COL4A1: variants seen among roughly 807,000 people sequenced by gnomAD.
The protein encoded by COL4A1 is collagen alpha-1(IV) chain.
Under a neutral mutation model 216.6 loss-of-function variants are expected in COL4A1, and 40 were observed. The observed-to-expected ratio is 0.18, with a 90% CI of 0.14 to 0.24. The LOEUF is 0.24. Ranked by LOEUF, COL4A1 falls within the 10% of genes least tolerant of loss-of-function variation. The probability of loss-of-function intolerance (pLI) is 1.00; values close to 1 mark genes in which losing one functional copy is unlikely to be tolerated. For missense variants in COL4A1, 1,628 were observed against 2,196.8 expected (o/e 0.74, Z 5.18); for synonymous variants, 839 against 810.7 (o/e 1.03, Z -0.59).
At chr13:110,206,748 C>A in intron 14 of COL4A1, 33 bp from the exon 15 acceptor site, 3 of 1,612,484 alleles carry the variant, frequency 1.9e-6, no homozygotes, top group Non-Finnish European at 2.5e-6. Flanking sequence ...GAGATTTATT[C>A]GTCTATTTAA....
At chr13:110,172,686 G>C (rs748688666) in intron 41 of COL4A1, 34 bp downstream of exon 41, 576 of 1,605,590 alleles carry the variant, frequency 3.6e-4, no homozygotes, top group Non-Finnish European at 4.8e-4. Context: ...GCAGCGGTTG[G>C]TTGAAAAGGA....
At chr13:110,247,465 A>G (rs1165746541) in intron 1 of COL4A1, among the ~76,000 whole-genome samples, 1 of 152,196 alleles carries the variant, frequency 6.6e-6, no homozygotes, top group Non-Finnish European at 1.5e-5. Context: ...AATACTGTGA[A>G]ACTTTTCTTT....
At chr13:110,297,437 G>A (rs1884318994) in intron 1 of COL4A1, among the ~76,000 whole-genome samples, 1 of 151,050 alleles carries the variant, frequency 6.6e-6, no homozygotes, top group African/African-American at 2.5e-5. Flanking sequence ...TATCCCTCAT[G>A]GATAGATGGG....
intron 1 of COL4A1, among the ~76,000 whole-genome samples, chr13:110,302,481 G>A (rs931160932): frequency 2.0e-5 from 3 of 152,122 alleles, no homozygotes; most frequent in South Asian, 2.1e-4. Context: ...AGAGAACCAC[G>A]CAGAGCTGCC....
chr13:110,246,793 G>A (rs1030484126), intron 1 of COL4A1, among the ~76,000 whole-genome samples: 4 of 152,122 alleles, frequency 2.6e-5, no homozygotes, highest in African/African-American at 9.7e-5. Flanking sequence ...TCCTCTTCCT[G>A]GTTTTCCCCT....
chr13:110,196,122 C>T (rs1282362158), intron 21 of COL4A1, among the ~76,000 whole-genome samples: 1 of 152,248 alleles, frequency 6.6e-6, no homozygotes, highest in African/African-American at 2.4e-5. Flanking sequence ...CTCAGCAGAA[C>T]AAGTTAGCTT....
intron 49 of COL4A1, among the ~76,000 whole-genome samples, chr13:110,159,021 G>T (rs1312637970): frequency 6.6e-6 from 1 of 152,204 alleles, no homozygotes; most frequent in Non-Finnish European, 1.5e-5. Context: ...GGGATTACAG[G>T]CGTGAGCCAC....
intron 2 of COL4A1, among the ~76,000 whole-genome samples, chr13:110,230,267 T>C (rs1880967723): frequency 6.6e-6 from 1 of 151,754 alleles, no homozygotes; most frequent in Non-Finnish European, 1.5e-5. Context: ...TGTGTATATG[T>C]TATGTGTGTG....
At chr13:110,209,787 TTCCCACAGC>T in intron 10 of COL4A1, 184 bp downstream of exon 10, 1 of 793,096 alleles carries the variant, frequency 1.3e-6, no homozygotes, top group Non-Finnish European at 2.3e-6. Flanking sequence ...CATCATCCCT[TTCCCACAGC>T]TCTGGGTATA....
chr13:110,254,040 A>G (rs1225378195), intron 1 of COL4A1, among the ~76,000 whole-genome samples: 1 of 152,098 alleles, frequency 6.6e-6, no homozygotes, highest in Non-Finnish European at 1.5e-5. Context: ...ATGATACCAC[A>G]CATGGAAAAC....
chr13:110,191,314 T>A (rs1878616441), intron 24 of COL4A1: 1 of 197,660 alleles, frequency 5.1e-6, no homozygotes, highest in Admixed American at 6.0e-5. Flanking sequence ...AAGGGCTACA[T>A]CAGAAATGAA....
chr13:110,217,592 C>T (rs999216603), intron 2 of COL4A1, among the ~76,000 whole-genome samples: 1 of 152,200 alleles, frequency 6.6e-6, no homozygotes, highest in Non-Finnish European at 1.5e-5. Context: ...AAACGAGAAA[C>T]TTGAAAAATA....
At chr13:110,270,687 GTGCCATGGCTGGGGGCAC>G (rs1408532583) in intron 1 of COL4A1, among the ~76,000 whole-genome samples, 8 of 152,144 alleles carry the variant, frequency 5.3e-5, no homozygotes, top group African/African-American at 1.9e-4. Context: ...CACCACACAC[GTGCCATGGCTGGGGGCAC>G]TGGCCGAAAC....
intron 47 of COL4A1, 55 bp from the exon 48 acceptor site, chr13:110,162,497 G>T: frequency 8.0e-7 from 1 of 1,256,880 alleles, no homozygotes; most frequent in Non-Finnish European, 1.2e-6. Context: ...TCCCCTAAAG[G>T]CTTTCAAAAT....
At position 110,209,966 on chromosome 13, in the gene COL4A1, C is replaced by T; in HGVS notation, c.615+14G>A. 1 of 1,613,864 alleles carries T rather than the reference C, an allele frequency of 6.2e-7. No homozygotes were observed. Among genetic ancestry groups the T allele is most frequent in the Non-Finnish European group, 8.5e-7 (1 of 1,179,790 alleles). The stretch of plus-strand genomic sequence containing the variant: ...TTAAATGATTGCCTCGGAGAGACAG[C>T]CCCCAAAACTTACTGGTGGTCCGGT... On this transcript the variant is annotated intron_variant, in intron 10 of 51. Coordinates refer to ENST00000375820, the MANE Select transcript of COL4A1 (RefSeq NM_001845.6).
intron 2 of COL4A1, among the ~76,000 whole-genome samples, chr13:110,219,909 T>C (rs970693894): frequency 7.6e-6 from 1 of 132,146 alleles, no homozygotes; most frequent in African/African-American, 3.0e-5. Flanking sequence ...TATGTATATA[T>C]ATGTGTGTAT....
Position 110,186,472 on chromosome 13 carries a change from CA to C in COL4A1, c.1809del (p.Pro605LeufsTer197). ...FPGSRGDTGP[P>X]GPPGYGPAGP... ...CCAGCAGGACCATATCCTGGAGGCC[CA>C]GGGGGGCCGGTGTCACCACGACTGC... On this transcript the variant is annotated frameshift_variant, in exon 26 of 52. Transcript: ENST00000375820. LOFTEE classifies it high-confidence loss of function. 1 of 1,613,730 alleles carries C rather than the reference CA, an allele frequency of 6.2e-7. No individual in the cohort carries two copies.
At chr13:110,250,467 T>C (rs1228323333) in intron 1 of COL4A1, among the ~76,000 whole-genome samples, 2 of 152,226 alleles carry the variant, frequency 1.3e-5, no homozygotes, top group African/African-American at 4.8e-5. Flanking sequence ...TATAATTTTG[T>C]TGACTCATGT....
At chr13:110,272,670 G>A (rs886838291) in intron 1 of COL4A1, among the ~76,000 whole-genome samples, 8 of 152,222 alleles carry the variant, frequency 5.3e-5, no homozygotes, top group Non-Finnish European at 2.9e-5. Flanking sequence ...AGCCGGGAAG[G>A]CCAGTACCTA....
Sources: gnomAD v4.1 joint callset for allele counts (sites outside exome capture counted in the v4.1 genomes callset) on GRCh38, gnomAD v4.1.1 for gene constraint, MANE v1.5 for transcripts, NCBI Gene and HGNC (gene_info 2026-07-23, HGNC 2026-07-21) for gene names.